Variants in RHOU observed in about 807,000 individuals in gnomAD.
RHOU encodes the protein ras homolog family member U, also known as rho-related GTP-binding protein RhoU.
Under a neutral mutation model 12.6 loss-of-function variants are expected in RHOU, and 8 were observed. The ratio of observed to expected loss-of-function variants is 0.64; its 90% CI spans 0.37 to 1.15. The LOEUF (loss-of-function observed/expected upper bound fraction) is 1.15. Ranked by LOEUF, RHOU falls within the 50% of genes most tolerant of loss-of-function variation. The probability of loss-of-function intolerance (pLI) is 0.01; values close to 1 mark genes in which losing one functional copy is unlikely to be tolerated. For synonymous variants in RHOU, 161 were observed against 147.4 expected (o/e 1.09, Z -0.67); for missense variants, 258 against 347.0 (o/e 0.74, Z 2.04).
the RHOU span, among the ~76,000 whole-genome samples, chr1:228,720,040 A>G: frequency 6.6e-6 from 1 of 152,160 alleles, no homozygotes; most frequent in African/African-American, 2.4e-5. Flanking sequence ...AAGAATTCCT[A>G]TTAGAAGCCA....
At chr1:228,666,865 G>C in the RHOU span, among the ~76,000 whole-genome samples, 1 of 152,190 alleles carries the variant, frequency 6.6e-6, no homozygotes, top group African/African-American at 2.4e-5. Flanking sequence ...CCCTCCCAGA[G>C]ATTTCCCCAC....
At chr1:228,707,129 T>TATATATATATATATATGTATATAC in the RHOU span, among the ~76,000 whole-genome samples, 1 of 105,754 alleles carries the variant, frequency 9.5e-6, no homozygotes, top group Non-Finnish European at 1.7e-5. Context: ...TATATATACA[T>TATATATATATATATATGTATATAC]ATATATATAT....
At chr1:228,683,837 A>G in the RHOU span, among the ~76,000 whole-genome samples, 1 of 152,228 alleles carries the variant, frequency 6.6e-6, no homozygotes, top group African/African-American at 2.4e-5. Flanking sequence ...TGACATTTTG[A>G]AAAGATCCCC....
At chr1:228,651,596 C>G in the RHOU span, among the ~76,000 whole-genome samples, 45 of 152,316 alleles carry the variant, frequency 3.0e-4, no homozygotes, top group South Asian at 2.1e-3. Flanking sequence ...GAGCACAGCA[C>G]GTGCTGACTA....
chr1:228,731,537 T>A (rs1662496278), upstream of RHOU, among the ~76,000 whole-genome samples: 1 of 152,102 alleles, frequency 6.6e-6, no homozygotes, highest in Non-Finnish European at 1.5e-5. Flanking sequence ...CCAAGTTTTG[T>A]CGGGCCTGAA....
At chr1:228,710,138 T>A in the RHOU span, among the ~76,000 whole-genome samples, 1 of 152,148 alleles carries the variant, frequency 6.6e-6, no homozygotes, top group Admixed American at 6.5e-5. Context: ...AATAGACCAA[T>A]AATAGGAGCT....
chr1:228,721,134 T>A, the RHOU span, among the ~76,000 whole-genome samples: 1 of 152,234 alleles, frequency 6.6e-6, no homozygotes, highest in Admixed American at 6.5e-5. Context: ...AAACCCTGTC[T>A]CTACTAAAAA....
At chr1:228,714,718 G>A in the RHOU span, among the ~76,000 whole-genome samples, 163 of 140,962 alleles carry the variant, frequency 1.2e-3, 1 homozygote, top group African/African-American at 4.0e-3. Flanking sequence ...TTAGCTAATG[G>A]CTTGTTTATT....
At chr1:228,698,781 A>G in the RHOU span, among the ~76,000 whole-genome samples, 3 of 152,320 alleles carry the variant, frequency 2.0e-5, no homozygotes, top group South Asian at 2.1e-4. Context: ...TTTCCCCCAC[A>G]TCGGCCCTTT....
At chr1:228,733,057 C>A (rs2102712823), upstream of RHOU, among the ~76,000 whole-genome samples, 1 of 152,268 alleles carries the variant, frequency 6.6e-6, no homozygotes, top group South Asian at 2.1e-4. Context: ...AAGATATTTT[C>A]TATAAGAACA....
chr1:228,723,797 G>T, the RHOU span, among the ~76,000 whole-genome samples: 12 of 152,212 alleles, frequency 7.9e-5, no homozygotes, highest in East Asian at 2.1e-3. Flanking sequence ...CCATCTTTAC[G>T]TTGACCTACA....
At chr1:228,736,094 G>A in intron 1 of RHOU, 90 bp downstream of exon 1, 1 of 1,290,574 alleles carries the variant, frequency 7.7e-7, no homozygotes, top group Non-Finnish European at 1.0e-6. Flanking sequence ...AGGTTCCCAA[G>A]GGGGCTGCAG....
the RHOU span, among the ~76,000 whole-genome samples, chr1:228,699,017 A>G: frequency 6.6e-6 from 1 of 152,166 alleles, no homozygotes. Flanking sequence ...TTTGTTTTCC[A>G]AAAGACCCAA....
chr1:228,708,455 A>G, the RHOU span, among the ~76,000 whole-genome samples: 1 of 151,528 alleles, frequency 6.6e-6, no homozygotes, highest in Admixed American at 6.6e-5. Flanking sequence ...CTAACAGCAG[A>G]TCTCTCGGCA....
the RHOU span, among the ~76,000 whole-genome samples, chr1:228,686,484 A>G: frequency 1.3e-5 from 2 of 152,186 alleles, no homozygotes; most frequent in Non-Finnish European, 2.9e-5. Context: ...TTTAAAACCT[A>G]TTATGTTTGA....
At chr1:228,665,914 C>A in the RHOU span, among the ~76,000 whole-genome samples, 11 of 152,076 alleles carry the variant, frequency 7.2e-5, no homozygotes, top group Non-Finnish European at 1.2e-4. Flanking sequence ...ATAAAAAGGT[C>A]ATAATTAACA....
chr1:228,658,506 G>A, the RHOU span, among the ~76,000 whole-genome samples: 1 of 152,204 alleles, frequency 6.6e-6, no homozygotes, highest in South Asian at 2.1e-4. Flanking sequence ...GCCTTCGCTA[G>A]ACACTGAATG....
At chr1:228,703,001 A>T in the RHOU span, among the ~76,000 whole-genome samples, 1 of 152,224 alleles carries the variant, frequency 6.6e-6, no homozygotes, top group Admixed American at 6.5e-5. Context: ...TCTCAAAAGC[A>T]CAGAGCTGAG....
chr1:228,671,113 T>C, the RHOU span, among the ~76,000 whole-genome samples: 6 of 152,166 alleles, frequency 3.9e-5, no homozygotes, highest in East Asian at 1.9e-4. Flanking sequence ...CAAGTGATTC[T>C]CCTTCCTCAG....
Sources: gnomAD v4.1 joint callset for allele counts (sites outside exome capture counted in the v4.1 genomes callset) on GRCh38, gnomAD v4.1.1 for gene constraint, MANE v1.5 for transcripts, NCBI Gene and HGNC (gene_info 2026-07-23, HGNC 2026-07-21) for gene names.